The following NEO1 variants were observed in gnomAD, a reference collection of about 807,000 sequenced individuals.
NEO1 encodes neogenin.
NEO1 carries 63 observed loss-of-function variants against 159.7 expected under a neutral mutation model. That is an observed-to-expected ratio of 0.39 (90% CI 0.32 to 0.49). The LOEUF is 0.49. Ranked by LOEUF, NEO1 falls within the 20% of genes least tolerant of loss-of-function variation. The pLI, the probability that NEO1 is intolerant of heterozygous loss-of-function variation, is 0.85. For missense variants in NEO1, 1,615 were observed against 1,831.0 expected (o/e 0.88, Z 2.15); for synonymous variants, 633 against 662.0 (o/e 0.96, Z 0.67).
At chr15:73,178,173 C>A in intron 6 of NEO1, 134 bp from the exon 7 acceptor site, 1 of 809,306 alleles carries the variant, frequency 1.2e-6, no homozygotes, top group Non-Finnish European at 1.9e-6. Flanking sequence ...TTAACAAGTA[C>A]TTGGATAATA....
Position 73,275,754 on chromosome 15 carries a change from G to C in NEO1, c.3193+1030G>C, listed in dbSNP as rs192922730. ...CCATTCTTGAAACCATCTGTCAATA[G>C]TCTTTACACTGTAACTGCCATGGTG... is the stretch of plus-strand genomic sequence containing the variant. On this transcript the variant is annotated intron_variant, in intron 21 of 28. Transcript: ENST00000261908. Among the ~76,000 whole-genome samples, 238 of 152,270 alleles carry C rather than the reference G, an allele frequency of 1.6e-3. 1 individual carries two copies. The highest frequency in any genetic ancestry group is 4.6e-3 in the South Asian group (22 of 4,830).
At chr15:73,057,549 T>C (rs2067768490) in intron 1 of NEO1, among the ~76,000 whole-genome samples, 1 of 152,174 alleles carries the variant, frequency 6.6e-6, no homozygotes, top group Admixed American at 6.5e-5. Context: ...AGGAGAAGTT[T>C]TGTGTTTACG....
chr15:73,264,534 A>G (rs1169446991), intron 15 of NEO1, among the ~76,000 whole-genome samples: 4 of 152,228 alleles, frequency 2.6e-5, no homozygotes, highest in Admixed American at 1.3e-4. Flanking sequence ...TGGAGTGCAC[A>G]TTGCAGAGTA....
intron 1 of NEO1, among the ~76,000 whole-genome samples, chr15:73,091,824 G>A (rs1371024443): frequency 6.7e-6 from 1 of 149,778 alleles, no homozygotes; most frequent in African/African-American, 2.5e-5. Context: ...TAGAGGTCTC[G>A]CTATGTTGCC....
chr15:73,137,693 C>T (rs745459165), intron 5 of NEO1, among the ~76,000 whole-genome samples: 6 of 152,174 alleles, frequency 3.9e-5, no homozygotes, highest in Non-Finnish European at 8.8e-5. Context: ...GATGGGGTTT[C>T]ACCATGTTGC....
chr15:73,074,698 C>G (rs2068688996), intron 1 of NEO1, among the ~76,000 whole-genome samples: 1 of 152,176 alleles, frequency 6.6e-6, no homozygotes, highest in Admixed American at 6.5e-5. Flanking sequence ...AAGCTCTTCT[C>G]TGTGTGCCCA....
intron 5 of NEO1, among the ~76,000 whole-genome samples, chr15:73,173,445 A>G (rs2035094096): frequency 6.6e-6 from 1 of 152,284 alleles, no homozygotes; most frequent in African/African-American, 2.4e-5. Flanking sequence ...TTAGTATTAA[A>G]TCTTTCAAAT....
At chr15:73,149,828 A>G (rs552500520) in intron 5 of NEO1, among the ~76,000 whole-genome samples, 22 of 152,320 alleles carry the variant, frequency 1.4e-4, no homozygotes, top group East Asian at 1.3e-3. Flanking sequence ...TGGGATTTCT[A>G]TCATCTCAAA....
At chr15:73,133,940 TA>T (rs2151734565) in intron 4 of NEO1, among the ~76,000 whole-genome samples, 2 of 152,332 alleles carry the variant, frequency 1.3e-5, no homozygotes, top group South Asian at 4.1e-4. Context: ...CAATATTTTT[TA>T]GTGTAATTAT....
chr15:73,271,434 G>A (rs1190695544), intron 18 of NEO1, among the ~76,000 whole-genome samples: 2 of 152,132 alleles, frequency 1.3e-5, no homozygotes, highest in Non-Finnish European at 1.5e-5. Context: ...CTACTAGTGT[G>A]TTAAAAGTTT....
rs58368427 is a variant in NEO1 at position 73,186,586 on chromosome 15, C to CTT, written c.1291+8167_1291+8168dup. Among the ~76,000 whole-genome samples the CTT allele has an allele frequency of 3.3e-4, 50 of 150,648 alleles. 1 individual carries two copies. In the East Asian group the frequency reaches 6.1e-3, roughly 18 times the overall value. On this transcript the variant is annotated intron_variant, in intron 7 of 28. Coordinates refer to ENST00000261908, the MANE Select transcript of NEO1 (RefSeq NM_002499.4). ...GACAGGCCCACAAAATTTTTTTCTT[C>CTT]TTTTTTTTTCACTCTAAATAGTTTA... is the stretch of plus-strand genomic sequence containing the variant.
At chr15:73,073,878 C>T (rs970515212) in intron 1 of NEO1, among the ~76,000 whole-genome samples, 1 of 152,192 alleles carries the variant, frequency 6.6e-6, no homozygotes, top group South Asian at 2.1e-4. Context: ...TCCCCCTCAT[C>T]TGCCAGGCCT....
At position 73,052,689 on chromosome 15, in the gene NEO1, G is replaced by A; in HGVS notation, c.14G>A (p.Arg5Gln). 7.4e-7 allele frequency: 1 copy of A among 1,355,650 alleles called. No homozygotes were observed. Among genetic ancestry groups the A allele is most frequent in the East Asian group, 3.3e-5 (1 of 29,950 alleles). The allele number at this position is 1,355,650 out of a possible 1,614,324, so 84.0% of individuals were successfully genotyped here. ...CTCGGGGAAGAGATGGCGGCGGAGC[G>A]GGGAGCCCGGCGACTCCTCAGCACC... is the stretch of plus-strand genomic sequence containing the variant. MAAE[R>Q]GARRLLSTPS... is the part of the protein sequence containing the mutation. The change falls in exon 1 of 29, where the codon CGG becomes CAG. Residue 5 changes from arginine (R) to glutamine (Q), a missense_variant. Transcript: ENST00000261908.
chr15:73,107,937 T>C (rs2070772909), intron 1 of NEO1, among the ~76,000 whole-genome samples: 1 of 152,176 alleles, frequency 6.6e-6, no homozygotes, highest in Non-Finnish European at 1.5e-5. Flanking sequence ...TTCCCAGCAC[T>C]TTGGGAGGCT....
At chr15:73,124,684 G>C (rs905298788) in intron 3 of NEO1, among the ~76,000 whole-genome samples, 4 of 152,090 alleles carry the variant, frequency 2.6e-5, no homozygotes, top group Admixed American at 6.6e-5. Context: ...TGAACACTCT[G>C]TTTAAAACAA....
chr15:73,119,645 G>T (rs2071517776), intron 2 of NEO1, among the ~76,000 whole-genome samples: 1 of 152,150 alleles, frequency 6.6e-6, no homozygotes, highest in Non-Finnish European at 1.5e-5. Flanking sequence ...AGGACAACCG[G>T]CTTCCTTCTT....
At chr15:73,185,782 G>A (rs1164839437) in intron 7 of NEO1, among the ~76,000 whole-genome samples, 3 of 152,214 alleles carry the variant, frequency 2.0e-5, no homozygotes, top group Middle Eastern at 3.4e-3. Context: ...CTATACAATG[G>A]AACGTCATTC....
At chr15:73,093,028 A>C (rs2069785479) in intron 1 of NEO1, among the ~76,000 whole-genome samples, 1 of 152,076 alleles carries the variant, frequency 6.6e-6, no homozygotes, top group African/African-American at 2.4e-5. Flanking sequence ...ATAGTTTCTC[A>C]GACTTTCCTT....
chr15:73,219,852 A>G (rs1189481222), intron 7 of NEO1, among the ~76,000 whole-genome samples: 2 of 149,496 alleles, frequency 1.3e-5, no homozygotes, highest in Admixed American at 6.7e-5. Context: ...AATACAGCAC[A>G]CTGATGGGTC....
Sources: allele counts gnomAD v4.1 joint callset (sites outside exome capture counted in the v4.1 genomes callset), GRCh38; gene constraint gnomAD v4.1.1; transcripts MANE v1.5; gene names NCBI Gene and HGNC (gene_info 2026-07-23, HGNC 2026-07-21).